The following AOPEP variants were observed in gnomAD, a reference collection of about 807,000 sequenced individuals.
The protein encoded by AOPEP is aminopeptidase O (putative), also known as aminopeptidase O.
Under a neutral mutation model 98.1 loss-of-function variants are expected in AOPEP, and 77 were observed. The observed-to-expected ratio is 0.78, with a 90% CI of 0.65 to 0.95. AOPEP has a LOEUF of 0.95. Among genes scored for constraint, AOPEP ranks in the 40% least tolerant of loss-of-function variants. AOPEP has a pLI of 0.00. For synonymous variants in AOPEP, 346 were observed against 365.3 expected (o/e 0.95, Z 0.60); for missense variants, 1,024 against 1,024.7 (o/e 1.00, Z 0.01).
intron 8 of AOPEP, 94 bp downstream of exon 8, chr9:94,955,373 T>A (rs16905559): frequency 2.7e-6 from 2 of 744,478 alleles, no homozygotes; most frequent in Admixed American, 4.8e-5. Context: ...AAGACTGAGG[T>A]GAAAATACTG....
intron 5 of AOPEP, among the ~76,000 whole-genome samples, chr9:94,915,015 C>T (rs2136549579): frequency 6.6e-6 from 1 of 152,330 alleles, no homozygotes; most frequent in African/African-American, 2.4e-5. Flanking sequence ...CCTCCCGGTG[C>T]TTCTGATACC....
intron 5 of AOPEP, among the ~76,000 whole-genome samples, chr9:94,910,149 C>T (rs868788376): frequency 2.6e-5 from 4 of 152,182 alleles, no homozygotes; most frequent in African/African-American, 9.7e-5. Flanking sequence ...GGCAGCCCTC[C>T]GTCCATTCTC....
In AOPEP at chr9:94,894,599, G is replaced by C. The variant is rs911462801; in HGVS notation, c.1365-29387G>C. 2.0e-5 allele frequency among the ~76,000 whole-genome samples: 3 copies of C among 152,280 alleles called. No individual in the cohort carries two copies. The South Asian group carries it at 6.2e-4, about 32-fold the overall frequency. The stretch of plus-strand genomic sequence containing the variant: ...CCTGGAAAAACACCAGACCCACAGA[G>C]TTTCTTTCATAAGTGAATTTGCTCA... On this transcript the variant is annotated intron_variant, in intron 5 of 16. Transcript: ENST00000375315.
chr9:94,927,644 C>T (rs2054561781), intron 6 of AOPEP, among the ~76,000 whole-genome samples: 1 of 152,226 alleles, frequency 6.6e-6, no homozygotes, highest in African/African-American at 2.4e-5. Flanking sequence ...CCGTCACCTG[C>T]TCTCTGATGT....
chr9:94,778,244 C>T (rs1000405068), intron 3 of AOPEP, among the ~76,000 whole-genome samples: 1 of 152,126 alleles, frequency 6.6e-6, no homozygotes, highest in Non-Finnish European at 1.5e-5. Flanking sequence ...GGCAGATACT[C>T]ACAAACTTAA....
chr9:95,006,304 T>G (rs1349136090), intron 13 of AOPEP: 1 of 320,134 alleles, frequency 3.1e-6, no homozygotes, highest in Non-Finnish European at 6.2e-6. Context: ...TAGGTTTTTT[T>G]GTTGCTTTTG....
At chr9:94,759,289 G>C (rs1837738052) in intron 1 of AOPEP, among the ~76,000 whole-genome samples, 1 of 152,184 alleles carries the variant, frequency 6.6e-6, no homozygotes, top group Non-Finnish European at 1.5e-5. Flanking sequence ...CTTATCTTTT[G>C]ATGCACAAAA....
chr9:95,105,905 G>A, the AOPEP span, among the ~76,000 whole-genome samples: 11 of 152,194 alleles, frequency 7.2e-5, no homozygotes, highest in African/African-American at 2.4e-4. Context: ...TCTGCCTGCT[G>A]GCTGCTGAGA....
At chr9:94,767,290 A>T (rs1261830322) in intron 2 of AOPEP, among the ~76,000 whole-genome samples, 1 of 152,226 alleles carries the variant, frequency 6.6e-6, no homozygotes, top group Non-Finnish European at 1.5e-5. Flanking sequence ...TTTGCTGCCC[A>T]GGCTGTGCAT....
chr9:94,859,804 T>C (rs1241031750), intron 5 of AOPEP, among the ~76,000 whole-genome samples: 1 of 152,262 alleles, frequency 6.6e-6, no homozygotes, highest in Non-Finnish European at 1.5e-5. Context: ...AAGTTCTTTA[T>C]GCTTTTGTTT....
chr9:95,135,388 A>G, the AOPEP span: 1 of 1,614,010 alleles, frequency 6.2e-7, no homozygotes, highest in South Asian at 1.1e-5. Context: ...TTCTCAGACA[A>G]TTTCTCTCAC....
At chr9:94,906,482 T>TAATAATAATAATAATAA (rs1367536683) in intron 5 of AOPEP, among the ~76,000 whole-genome samples, 10 of 95,446 alleles carry the variant, frequency 1.0e-4, no homozygotes, top group Non-Finnish European at 2.4e-4. Context: ...ATAATAATAA[T>TAATAATAATAATAATAA]AAAAAAACAG....
intron 5 of AOPEP, among the ~76,000 whole-genome samples, chr9:94,875,965 G>A (rs1266107398): frequency 6.6e-6 from 1 of 152,188 alleles, no homozygotes; most frequent in Admixed American, 6.5e-5. Flanking sequence ...GAAGACACAA[G>A]GCACCAGAGT....
chr9:94,865,164 A>G (rs556227961), intron 5 of AOPEP, among the ~76,000 whole-genome samples: 3 of 152,340 alleles, frequency 2.0e-5, no homozygotes, highest in Non-Finnish European at 2.9e-5. Context: ...AAGAAATCCT[A>G]GAGAATGGTT....
chr9:95,058,142 A>G (rs1213186221), intron 13 of AOPEP, among the ~76,000 whole-genome samples: 1 of 152,248 alleles, frequency 6.6e-6, no homozygotes, highest in Non-Finnish European at 1.5e-5. Context: ...ATATACAGGT[A>G]TGAATGCAGG....
intron 9 of AOPEP, among the ~76,000 whole-genome samples, chr9:94,962,063 C>T (rs1169135562): frequency 6.6e-6 from 1 of 152,102 alleles, no homozygotes; most frequent in African/African-American, 2.4e-5. Context: ...TTGTATACAG[C>T]CTTTGTTGGG....
At chr9:94,910,320 G>A (rs1346020853) in intron 5 of AOPEP, among the ~76,000 whole-genome samples, 2 of 152,182 alleles carry the variant, frequency 1.3e-5, no homozygotes, top group East Asian at 3.9e-4. Context: ...GCACTCCAGT[G>A]CAGAAGCATC....
Position 94,807,987 on chromosome 9 carries a change from C to T in AOPEP, c.1364+6985C>T, listed in dbSNP as rs1849607463. On this transcript the variant is annotated intron_variant, in intron 5 of 16. Coordinates refer to ENST00000375315, the MANE Select transcript of AOPEP (RefSeq NM_001193329.3). Reference sequence around the variant, plus strand: ...TGGGTGAGAAATTGCCTTGTCTCTACATTTCACCCCTAATAAGTAATTGGA... The same window carrying T: ...TGGGTGAGAAATTGCCTTGTCTCTATATTTCACCCCTAATAAGTAATTGGA... Among the ~76,000 whole-genome samples, 6 of 152,110 alleles carry T rather than the reference C, an allele frequency of 3.9e-5. No individual in the cohort carries two copies. The South Asian group carries it at 1.2e-3, about 32-fold the overall frequency.
At chr9:95,121,864 T>TC in the AOPEP span, among the ~76,000 whole-genome samples, 1 of 148,580 alleles carries the variant, frequency 6.7e-6, no homozygotes, top group Admixed American at 6.6e-5. Flanking sequence ...ATTCATTTTT[T>TC]TTTTTTTTTT....
Sources: gnomAD v4.1 joint callset for allele counts (sites outside exome capture counted in the v4.1 genomes callset) on GRCh38, gnomAD v4.1.1 for gene constraint, MANE v1.5 for transcripts, NCBI Gene and HGNC (gene_info 2026-07-23, HGNC 2026-07-21) for gene names.